PLOD1: variants seen among roughly 807,000 people sequenced by gnomAD.
The protein encoded by PLOD1 is procollagen-lysine,2-oxoglutarate 5-dioxygenase 1, also known as lysine hydroxylase.
In PLOD1, 70 loss-of-function variants were observed where a neutral mutation model predicts 94.7. That is an observed-to-expected ratio of 0.74 (90% confidence interval 0.61 to 0.90). The LOEUF (loss-of-function observed/expected upper bound fraction) is 0.90. Among genes scored for constraint, PLOD1 ranks in the 40% least tolerant of loss-of-function variants. The pLI is 0.00. For missense variants in PLOD1, 905 were observed against 972.7 expected (o/e 0.93, Z 0.93); for synonymous variants, 417 against 400.2 (o/e 1.04, Z -0.50).
At position 11,957,803 on chromosome 1, in the gene PLOD1, G is replaced by A; in HGVS notation, c.742-39G>A. Reference sequence around the variant, plus strand: ...GTGAGTCAGGGCTATGGCAGGTGGGGCTGGCTGGCTTCTCTGTGACCCCAC... The same window carrying A: ...GTGAGTCAGGGCTATGGCAGGTGGGACTGGCTGGCTTCTCTGTGACCCCAC... On this transcript the variant is annotated intron_variant, in intron 7 of 18. Coordinates refer to ENST00000196061, the MANE Select transcript of PLOD1 (RefSeq NM_000302.4). This position sits in a 1 kb window ranked among gnomAD's most constrained non-coding sequence, Gnocchi z 4.1. The A allele has an allele frequency of 7.1e-7, 1 of 1,415,572 alleles. No homozygotes were observed. The highest frequency in any genetic ancestry group is 1.0e-6 in the Non-Finnish European group (1 of 998,768). 87.7% of individuals were successfully genotyped at this position (1,415,572 alleles called of 1,614,324 possible).
Position 11,963,673 on chromosome 1 carries a change from A to AC in PLOD1, c.1202+38dup. 3.6e-6 allele frequency: 5 copies of AC among 1,391,484 alleles called. No homozygotes were observed. The highest frequency in any genetic ancestry group is 4.0e-6 in the Non-Finnish European group (4 of 995,960). The allele number at this position is 1,391,484 out of a possible 1,614,324, so 86.2% of individuals were successfully genotyped here. The stretch of plus-strand genomic sequence containing the variant: ...CCGTCTGCACCCAGCACTGCTCAGG[A>AC]CTGGCCTGGTCCTGGGGTGGCAGCC... On this transcript the variant is annotated intron_variant, in intron 11 of 18. Transcript: ENST00000196061. The surrounding 1 kb of genome is among the most constrained non-coding windows in gnomAD (Gnocchi z 4.3).
rs748787201 is a variant in PLOD1, at chr1:11,960,809, AG to A, written c.1097+46del. 3.1e-6 allele frequency: 5 copies of A among 1,609,876 alleles called. No individual in the cohort carries two copies. In the East Asian group the frequency reaches 1.1e-4, roughly 36 times the overall value. Reference sequence around the variant, plus strand: ...AGTACTCTCCACTGACAGTGGGGGCAGGGGAGCTGTGGCTGTGGTAAGGAGC... The same window carrying A: ...AGTACTCTCCACTGACAGTGGGGGCAGGGAGCTGTGGCTGTGGTAAGGAGC... On this transcript the variant is annotated intron_variant, in intron 10 of 18. Coordinates refer to ENST00000196061, the MANE Select transcript of PLOD1 (RefSeq NM_000302.4).
In PLOD1 at chr1:11,956,957, G is replaced by A. The variant is rs183225496; in HGVS notation, c.684G>A (p.Ala228=). 23 of 1,613,902 alleles carry A rather than the reference G, an allele frequency of 1.4e-5. No individual in the cohort carries two copies. The highest frequency in any genetic ancestry group is 8.0e-5 in the African/African-American group (6 of 75,018). ...AGTTTGAAATGGGCCATGTGAGAGC[G>A]AGGAACCTGGCCTATGACACCCTCC... ...VLKFEMGHVR[A]RNLAYDTLPV... is the part of the protein sequence containing the mutation. The change falls in exon 7 of 19, where the codon GCG becomes GCA. Residue 228 remains alanine, a synonymous_variant. Transcript: ENST00000196061.
At chr1:11,959,139 A>T (rs550401146) in intron 9 of PLOD1, among the ~76,000 whole-genome samples, 4 of 152,238 alleles carry the variant, frequency 2.6e-5, no homozygotes, top group African/African-American at 9.6e-5. Flanking sequence ...TGGGAGGCAG[A>T]GGTTGCAGTG....
chr1:11,938,859 C>T (rs117967767), intron 1 of PLOD1, among the ~76,000 whole-genome samples: 12 of 152,240 alleles, frequency 7.9e-5, no homozygotes, highest in South Asian at 4.2e-4. Context: ...AGACACCCCA[C>T]GTCTGAGGGA....
At position 11,968,484 on chromosome 1, in the gene PLOD1, T is replaced by C. The variant is rs144397843; in HGVS notation, c.1755+1393T>C. On this transcript the variant is annotated intron_variant, in intron 16 of 18. Transcript: ENST00000196061. ...TACAACATTCATATCTCCTATGTAC[T>C]TCAAGCCCCAACCCACCTCTGATTT... Among the ~76,000 whole-genome samples the C allele has an allele frequency of 7.0e-3, 1,069 of 152,024 alleles. 9 individuals carry two copies. The highest frequency in any genetic ancestry group is 0.024 in the African/African-American group (1,004 of 41,484).
rs1259023201 is a variant in PLOD1 at position 11,949,793 on chromosome 1, C to T, written c.189C>T (p.Asp63=). ...YKIQALGLGE[D]WNVEKGTSAG... ...TCCAGGCGCTTGGCCTAGGGGAGGA[C>T]TGGAATGTGGAGAAGGGGACGTCGG... Residue 63 remains aspartate (D), a synonymous_variant, in exon 3 of 19, where the codon GAC becomes GAT. Transcript: ENST00000196061. 1.2e-6 allele frequency: 2 copies of T among 1,613,928 alleles called. No individual in the cohort carries two copies. The highest frequency in any genetic ancestry group is 4.5e-5 in the East Asian group (2 of 44,870).
rs143846790 is a variant in PLOD1, at chr1:11,957,276, A to G, written c.741+262A>G. On this transcript the variant is annotated intron_variant, in intron 7 of 18. Transcript: ENST00000196061. This position sits in a 1 kb window ranked among gnomAD's most constrained non-coding sequence, Gnocchi z 4.1. ...CCTTCCAGGCCTAGGCTGGGCTACC[A>G]GAGCCATCTGCACTGTCACCCCAGG... The G allele has an allele frequency of 2.6e-3, 1,769 of 689,312 alleles. 20 individuals are homozygous for G. In the African/African-American group the frequency reaches 0.028, roughly 11 times the overall value. 42.7% of individuals were successfully genotyped at this position (689,312 alleles called of 1,614,324 possible).
intron 10 of PLOD1, among the ~76,000 whole-genome samples, chr1:11,962,333 A>G (rs1484603964): frequency 7.0e-5 from 10 of 142,588 alleles, no homozygotes; most frequent in Non-Finnish European, 9.0e-5. Context: ...CTGGAGTGCA[A>G]TGGTGCAATA....
rs1645812502 is a variant in PLOD1 at position 11,965,705 on chromosome 1, CT to C, written c.1584+113del. On this transcript the variant is annotated intron_variant, in intron 14 of 18. Coordinates refer to ENST00000196061, the MANE Select transcript of PLOD1 (RefSeq NM_000302.4). ...AACAGCCAGGACCCCTGTAGGCCAC[CT>C]GCCACCCTCCCTTCACCCCAGGAGG... 7.2e-6 allele frequency: 5 copies of C among 690,576 alleles called. No homozygotes were observed. The Admixed American group carries it at 1.1e-4, about 15-fold the overall frequency. The allele number at this position is 690,576 out of a possible 1,614,324, so 42.8% of individuals were successfully genotyped here.
At chr1:11,964,407 C>G (rs1360850262) in intron 12 of PLOD1, 107 bp downstream of exon 12, 3 of 1,221,258 alleles carry the variant, frequency 2.5e-6, no homozygotes, top group Non-Finnish European at 2.4e-6. Flanking sequence ...CCCTCAAATT[C>G]CTGTTGAACC....
chr1:11,952,058 A>G (rs969273353), intron 4 of PLOD1, among the ~76,000 whole-genome samples: 1 of 152,174 alleles, frequency 6.6e-6, no homozygotes, highest in African/African-American at 2.4e-5. Flanking sequence ...ACTTTTTTCC[A>G]CTGGTCCAGA....
At chr1:11,954,324 A>C in intron 5 of PLOD1, 1 of 323,658 alleles carries the variant, frequency 3.1e-6, no homozygotes, top group East Asian at 8.3e-5. Flanking sequence ...AAAAAAAAAA[A>C]AAAAAAAAAA....
rs142176436 is a variant in PLOD1 at position 11,960,391 on chromosome 1, C to T, written c.976-255C>T. ...GGATGTGGGATCCTGAGCGTGGTGG[C>T]GGAGCTCTATCCTGATGACAGAGGC... On this transcript the variant is annotated intron_variant, in intron 9 of 18. Transcript: ENST00000196061. 3.7e-3 allele frequency among the ~76,000 whole-genome samples: 566 copies of T among 152,284 alleles called. 2 individuals are homozygous for T. The highest frequency in any genetic ancestry group is 0.013 in the African/African-American group (541 of 41,566).
chr1:11,936,833 ATTTCT>A (rs1041919266), intron 1 of PLOD1, among the ~76,000 whole-genome samples: 1 of 139,882 alleles, frequency 7.1e-6, no homozygotes, highest in Admixed American at 7.2e-5. Flanking sequence ...AGGAACCACC[ATTTCT>A]TTTCTTTTCT....
Position 11,957,142 on chromosome 1 carries a change from C to T in PLOD1, c.741+128C>T, listed in dbSNP as rs1229194963. ...CTGGGGCCTGCTATGAACTCACTGCCTCTGTCCTCACATCTGAGCTCAGCG... is the reference window on the plus strand; with the variant it reads ...CTGGGGCCTGCTATGAACTCACTGCTTCTGTCCTCACATCTGAGCTCAGCG... On this transcript the variant is annotated intron_variant, in intron 7 of 18. Transcript: ENST00000196061. The surrounding 1 kb of genome is among the most constrained non-coding windows in gnomAD (Gnocchi z 4.1). 1 of 776,634 alleles carries T rather than the reference C, an allele frequency of 1.3e-6. No homozygotes were observed. The allele number at this position is 776,634 out of a possible 1,614,324, so 48.1% of individuals were successfully genotyped here.
chr1:11,960,626 TTCCCCA>T lies in PLOD1; in HGVS notation c.976-13_976-8del. ...TCCTCCTCCTCACCCCCGCATCCCCTTCCCCATCCCCAACCCCAGGAGCAGCACCAC... is the reference window on the plus strand; with the variant it reads ...TCCTCCTCCTCACCCCCGCATCCCCTTCCCCAACCCCAGGAGCAGCACCAC... On this transcript the variant is annotated splice_polypyrimidine_tract_variant and intron_variant, in intron 9 of 18. Transcript: ENST00000196061. The T allele has an allele frequency of 1.2e-6, 1 of 834,202 alleles. No individual in the cohort carries two copies. Among genetic ancestry groups the T allele is most frequent in the Non-Finnish European group, 1.9e-6 (1 of 524,172 alleles). 51.7% of individuals were successfully genotyped at this position (834,202 alleles called of 1,614,324 possible).
At chr1:11,939,138 G>C (rs1446566143) in intron 1 of PLOD1, among the ~76,000 whole-genome samples, 1 of 152,174 alleles carries the variant, frequency 6.6e-6, no homozygotes, top group Non-Finnish European at 1.5e-5. Context: ...CAGAGGCTCA[G>C]CTGGCCGTTC....
chr1:11,965,386 G>A, intron 13 of PLOD1, 94 bp from the exon 14 acceptor site: 1 of 762,076 alleles, frequency 1.3e-6, no homozygotes. Flanking sequence ...GGTGGAGGAG[G>A]CTGCACTGTT....
Sources: allele counts gnomAD v4.1 joint callset (sites outside exome capture counted in the v4.1 genomes callset), GRCh38; gene constraint gnomAD v4.1.1; non-coding constraint Gnocchi (gnomAD v3.1); transcripts MANE v1.5; gene names NCBI Gene and HGNC (gene_info 2026-07-23, HGNC 2026-07-21).